The following GRIN2B variants were observed in gnomAD, a reference collection of about 807,000 sequenced individuals.
GRIN2B encodes the protein glutamate ionotropic receptor NMDA type subunit 2B.
A neutral mutation model predicts 114.5 loss-of-function variants in GRIN2B; 5 were observed. The observed-to-expected ratio is 0.04, with a 90% CI of 0.02 to 0.09. The LOEUF is 0.09. Among genes scored for constraint, GRIN2B ranks in the 10% least tolerant of loss-of-function variants. The probability of loss-of-function intolerance (pLI) is 1.00; values close to 1 mark genes in which losing one functional copy is unlikely to be tolerated. For synonymous variants in GRIN2B, 787 were observed against 745.1 expected (o/e 1.06, Z -0.92); for missense variants, 1,108 against 1,943.5 (o/e 0.57, Z 8.08).
At chr12:13,588,030 T>C (rs1303208422) in intron 10 of GRIN2B, among the ~76,000 whole-genome samples, 1 of 152,264 alleles carries the variant, frequency 6.6e-6, no homozygotes, top group Non-Finnish European at 1.5e-5. Flanking sequence ...CTAATTGGGA[T>C]ACTTCCTCAC....
At chr12:13,686,148 A>C (rs889737696) in intron 4 of GRIN2B, among the ~76,000 whole-genome samples, 1 of 152,202 alleles carries the variant, frequency 6.6e-6, no homozygotes, top group African/African-American at 2.4e-5. Context: ...AACGCAGTAC[A>C]TTATGGCACT....
At position 13,559,898 on chromosome 12, in the gene GRIN2B, A is replaced by ACCTT. The variant is rs1287059889; in HGVS notation, c.*2881_*2884dup. The ACCTT allele has an allele frequency of 2.6e-5, 4 of 152,102 alleles. No individual in the cohort carries two copies. Among genetic ancestry groups the ACCTT allele is most frequent in the African/African-American group, 9.7e-5 (4 of 41,392 alleles). The allele number at this position is 152,102 out of a possible 1,614,324, so 9.4% of individuals were successfully genotyped here. A position where few individuals can be genotyped will look rare whatever the true frequency, so the allele number is the denominator to read the frequency against. On this transcript the variant is annotated 3_prime_UTR_variant, in exon 14 of 14. Transcript: ENST00000609686. ...ATTTCTCAGGATTGAGCTTCCTGAA[A>ACCTT]CCTTTCAGTCACGCCAAGAATGGGA...
intron 3 of GRIN2B, among the ~76,000 whole-genome samples, chr12:13,848,210 T>C (rs1405743859): frequency 6.6e-6 from 1 of 152,228 alleles, no homozygotes; most frequent in African/African-American, 2.4e-5. Flanking sequence ...ATGGGGTATC[T>C]GAAATTCCAC....
chr12:13,639,340 G>T (rs1409039392), intron 5 of GRIN2B, among the ~76,000 whole-genome samples: 1 of 152,130 alleles, frequency 6.6e-6, no homozygotes, highest in East Asian at 1.9e-4. Context: ...AGTGGTAGAG[G>T]CAGTAAAAGC....
In GRIN2B at chr12:13,824,093, T is replaced by C. The variant is rs114826338; in HGVS notation, c.411+41705A>G. ...ATTCATGAGAAATATTGGTATATAGTTTTCTTATAGTATCTTGTCACTTAT... is the reference window on the plus strand; with the variant it reads ...ATTCATGAGAAATATTGGTATATAGCTTTCTTATAGTATCTTGTCACTTAT... On this transcript the variant is annotated intron_variant, in intron 3 of 13. Coordinates refer to ENST00000609686, the MANE Select transcript of GRIN2B (RefSeq NM_000834.5). 4.9e-3 allele frequency among the ~76,000 whole-genome samples: 743 copies of C among 152,264 alleles called. 9 individuals are homozygous for C. Among genetic ancestry groups the C allele is most frequent in the African/African-American group, 0.017 (711 of 41,552 alleles).
chr12:13,621,588 A>AG (rs993975812), intron 5 of GRIN2B, among the ~76,000 whole-genome samples: 1 of 105,484 alleles, frequency 9.5e-6, no homozygotes, highest in African/African-American at 3.7e-5. Context: ...CTTTTTCAAG[A>AG]GAAAAAAAAA....
chr12:13,645,485 A>G (rs1208138834), intron 5 of GRIN2B, among the ~76,000 whole-genome samples: 1 of 152,154 alleles, frequency 6.6e-6, no homozygotes, highest in Non-Finnish European at 1.5e-5. Flanking sequence ...ACACAGAGAC[A>G]TGAAGTGAGC....
intron 2 of GRIN2B, among the ~76,000 whole-genome samples, chr12:13,903,344 T>TA (rs55989438): frequency 6.6e-6 from 1 of 152,130 alleles, no homozygotes; most frequent in Non-Finnish European, 1.5e-5. Flanking sequence ...CTTTCTTTTT[T>TA]AAAATATAAG....
chr12:13,973,736 T>C (rs1862970907), intron 2 of GRIN2B, among the ~76,000 whole-genome samples: 1 of 152,202 alleles, frequency 6.6e-6, no homozygotes, highest in South Asian at 2.1e-4. Context: ...CTTTAATAAG[T>C]CATCAGGCTG....
At position 13,675,633 on chromosome 12, in the gene GRIN2B, C is replaced by G; in HGVS notation, c.1125+112G>C. On this transcript the variant is annotated intron_variant, in intron 5 of 13. Coordinates refer to ENST00000609686, the MANE Select transcript of GRIN2B (RefSeq NM_000834.5). ...CTCCTGTGTATCAAGGTATTGATCC[C>G]TTGCTCCACAGGTCTAGGGACAAAA... 4 of 758,230 alleles carry G rather than the reference C, an allele frequency of 5.3e-6. No homozygotes were observed. In the South Asian group the frequency reaches 5.6e-5, roughly 11 times the overall value. 47.0% of individuals were successfully genotyped at this position (758,230 alleles called of 1,614,324 possible). A position where few individuals can be genotyped will look rare whatever the true frequency, so the allele number is the denominator to read the frequency against.
intron 2 of GRIN2B, among the ~76,000 whole-genome samples, chr12:13,907,957 T>A (rs1240263088): frequency 1.3e-5 from 2 of 152,222 alleles, no homozygotes; most frequent in Admixed American, 1.3e-4. Flanking sequence ...TGGAAATGCA[T>A]ACAGTATTTT....
rs753955843 is a variant in GRIN2B at position 13,675,832 on chromosome 12, C to T, written c.1038G>A (p.Gly346=). The change falls in exon 5 of 14, where the codon GGG becomes GGA. Residue 346 remains glycine, a synonymous_variant. Coordinates refer to ENST00000609686, the MANE Select transcript of GRIN2B (RefSeq NM_000834.5). ...NRYLINVTFE[G]RNLSFSEDGY... is the part of the protein sequence containing the mutation. ...CATCTTCACTGAAGGACAAATTCCT[C>T]CCCTCAAAAGTGACATTGATCAGAT... 2.0e-5 allele frequency: 32 copies of T among 1,605,278 alleles called. No homozygotes were observed. In the South Asian group the frequency reaches 3.3e-4, roughly 17 times the overall value.
At chr12:13,952,646 C>T (rs76798982) in intron 2 of GRIN2B, among the ~76,000 whole-genome samples, 1,872 of 152,082 alleles carry the variant, frequency 0.012, 26 homozygotes, top group East Asian at 0.045. Context: ...TCCTGAATAT[C>T]AAAGTCTGTC....
At chr12:13,639,245 G>C (rs1949690593) in intron 5 of GRIN2B, among the ~76,000 whole-genome samples, 1 of 152,148 alleles carries the variant, frequency 6.6e-6, no homozygotes, top group African/African-American at 2.4e-5. Context: ...AATGCTCCTT[G>C]ATTCATAGAC....
chr12:13,821,370 A>G (rs1196777367), intron 3 of GRIN2B, among the ~76,000 whole-genome samples: 1 of 152,224 alleles, frequency 6.6e-6, no homozygotes, highest in Non-Finnish European at 1.5e-5. Context: ...AGAGGAGCTA[A>G]TTCTTGGCCC....
At chr12:13,735,936 C>G (rs1229041040) in intron 4 of GRIN2B, among the ~76,000 whole-genome samples, 1 of 151,264 alleles carries the variant, frequency 6.6e-6, no homozygotes, top group Non-Finnish European at 1.5e-5. Flanking sequence ...ATCTGAAGCA[C>G]GTGTCACTGC....
intron 3 of GRIN2B, among the ~76,000 whole-genome samples, chr12:13,799,773 T>C (rs10744039): frequency 0.49 from 74,939 of 151,398 alleles, 20,246 homozygotes; most frequent in Non-Finnish European, 0.61. Context: ...CTGAGAAAAA[T>C]TGACTGTCAA....
chr12:13,941,233 T>C (rs1393487237), intron 2 of GRIN2B, among the ~76,000 whole-genome samples: 3 of 152,280 alleles, frequency 2.0e-5, no homozygotes, highest in Middle Eastern at 3.4e-3. Flanking sequence ...TTGCCTTCTA[T>C]TTTTAGTATT....
intron 3 of GRIN2B, among the ~76,000 whole-genome samples, chr12:13,859,566 T>C (rs979979827): frequency 2.6e-5 from 4 of 152,176 alleles, no homozygotes; most frequent in Admixed American, 6.5e-5. Flanking sequence ...GTAGGGAAAA[T>C]TGGAGAGAAG....
Sources: allele counts gnomAD v4.1 joint callset (sites outside exome capture counted in the v4.1 genomes callset), GRCh38; gene constraint gnomAD v4.1.1; transcripts MANE v1.5; gene names NCBI Gene and HGNC (gene_info 2026-07-23, HGNC 2026-07-21).